RNF38: variants seen among roughly 807,000 people sequenced by gnomAD.
RNF38 encodes E3 ubiquitin-protein ligase RNF38.
A neutral mutation model predicts 67.2 loss-of-function variants in RNF38; 15 were observed. That is an observed-to-expected ratio of 0.22 (90% CI 0.15 to 0.34). The LOEUF is 0.34. Among genes scored for constraint, RNF38 ranks in the 10% least tolerant of loss-of-function variants. The pLI, the probability that RNF38 is intolerant of heterozygous loss-of-function variation, is 1.00. For missense variants in RNF38, 524 were observed against 639.9 expected (o/e 0.82, Z 1.95); for synonymous variants, 220 against 218.8 (o/e 1.01, Z -0.05).
upstream of RNF38, chr9:36,401,073 A>AC: frequency 1.0e-6 from 1 of 982,054 alleles, no homozygotes; most frequent in Non-Finnish European, 1.2e-6. Flanking sequence ...CGCCCGTCCC[A>AC]CCCCGTCCCC....
At chr9:36,362,404 A>G (rs1406180407) in intron 4 of RNF38, among the ~76,000 whole-genome samples, 1 of 151,646 alleles carries the variant, frequency 6.6e-6, no homozygotes, top group Non-Finnish European at 1.5e-5. Context: ...CAGAAACTTC[A>G]TTGTAAAATA....
chr9:36,459,326 C>G (rs1360668287), intron 1 of RNF38, among the ~76,000 whole-genome samples: 1 of 152,114 alleles, frequency 6.6e-6, no homozygotes, highest in East Asian at 1.9e-4. Flanking sequence ...AGCAAAAACA[C>G]TCCCTGAAAT....
At chr9:36,464,108 G>A (rs575928850) in intron 1 of RNF38, among the ~76,000 whole-genome samples, 1 of 151,992 alleles carries the variant, frequency 6.6e-6, no homozygotes, top group African/African-American at 2.4e-5. Context: ...AGATTGCAGT[G>A]AGCCTAGATC....
intron 4 of RNF38, among the ~76,000 whole-genome samples, chr9:36,368,207 G>T (rs1187297367): frequency 6.6e-6 from 1 of 152,054 alleles, no homozygotes; most frequent in Non-Finnish European, 1.5e-5. Flanking sequence ...TATAATTTCT[G>T]CCATGGCTAC....
At chr9:36,340,014 T>C (rs909036510) in intron 11 of RNF38, among the ~76,000 whole-genome samples, 200 bp from the exon 12 acceptor site, 1 of 152,126 alleles carries the variant, frequency 6.6e-6, no homozygotes, top group African/African-American at 2.4e-5. Context: ...AGTTTCGCTC[T>C]TGTTGCCCAG....
intron 1 of RNF38, among the ~76,000 whole-genome samples, chr9:36,439,647 A>C (rs969784433): frequency 6.6e-6 from 1 of 151,842 alleles, no homozygotes; most frequent in African/African-American, 2.4e-5. Context: ...TCTACTAAAA[A>C]CACAAAAATT....
At position 36,339,734 on chromosome 9, in the gene RNF38, T is replaced by C. The variant is rs1385321396; in HGVS notation, c.*18A>G. The C allele has an allele frequency of 6.2e-7, 1 of 1,604,702 alleles. No individual in the cohort carries two copies. The highest frequency in any genetic ancestry group is 1.3e-5 in the African/African-American group (1 of 74,814). ...GTGATGAGGAACACCCAAACTAAAT[T>C]TGTGCTTCTTAGGTTGGTCATTCTG... On this transcript the variant is annotated 3_prime_UTR_variant, in exon 12 of 12. Transcript: ENST00000259605.
chr9:36,487,638 A>C, upstream of RNF38: 5 of 937,828 alleles, frequency 5.3e-6, no homozygotes, highest in African/African-American at 1.9e-5. Flanking sequence ...GGCCGGCAGC[A>C]GCGGTGGCGG....
At position 36,375,957 on chromosome 9, in the gene RNF38, G is replaced by C; in HGVS notation, c.333C>G (p.Asn111Lys). 6.2e-7 allele frequency: 1 copy of C among 1,612,786 alleles called. No homozygotes were observed. Among genetic ancestry groups the C allele is most frequent in the Non-Finnish European group, 8.5e-7 (1 of 1,179,530 alleles). ...SQHHFSGERC[N>K]TPARNRRSPP... ...ACCTTCTTCTGTTGCGTGCAGGTGTGTTGCATCGTTCCCCTGAGAAGTGAT... is the reference window on the plus strand; with the variant it reads ...ACCTTCTTCTGTTGCGTGCAGGTGTCTTGCATCGTTCCCCTGAGAAGTGAT... Residue 111 changes from asparagine (N) to lysine (K), a missense_variant, in exon 3 of 12, where the codon AAC (asparagine) becomes AAG (lysine). Around this residue, in one of 2 missense-constraint regions of RNF38, gnomAD observed 461 missense variants for 517.4 expected, o/e 0.89. Coordinates refer to ENST00000259605, the MANE Select transcript of RNF38 (RefSeq NM_022781.5).
intron 1 of RNF38, among the ~76,000 whole-genome samples, chr9:36,393,522 T>TGTGGGG (rs57164047): frequency 1.6e-5 from 2 of 124,498 alleles, no homozygotes; most frequent in South Asian, 2.4e-4. Context: ...TGTGTGTGTG[T>TGTGGGG]GGGGCAGGCA....
At chr9:36,399,496 ATAT>A (rs1464848700) in intron 1 of RNF38, among the ~76,000 whole-genome samples, 1 of 147,504 alleles carries the variant, frequency 6.8e-6, no homozygotes, top group African/African-American at 2.5e-5. Flanking sequence ...TATATATAAT[ATAT>A]TATATAATAC....
intron 2 of RNF38, among the ~76,000 whole-genome samples, chr9:36,380,245 G>C (rs1836109081): frequency 6.6e-6 from 1 of 152,214 alleles, no homozygotes. Flanking sequence ...TTGTTGCCCA[G>C]GTAGAGTGCA....
At chr9:36,367,271 T>C (rs1375699825) in intron 4 of RNF38, among the ~76,000 whole-genome samples, 2 of 152,168 alleles carry the variant, frequency 1.3e-5, no homozygotes, top group Admixed American at 6.5e-5. Context: ...GCTTTCAGGA[T>C]ACTTATTTTA....
Position 36,338,871 on chromosome 9 carries a change from T to C in RNF38, c.*881A>G, listed in dbSNP as rs1832642537. ...ATGCTAATATTGCTAACTGATGATA[T>C]ATGATATTGCACCTTCTTTTTGGAA... On this transcript the variant is annotated 3_prime_UTR_variant, in exon 12 of 12. Transcript: ENST00000259605. 6.6e-6 allele frequency: 1 copy of C among 152,620 alleles called. No individual in the cohort carries two copies. The highest frequency in any genetic ancestry group is 6.5e-5 in the Admixed American group (1 of 15,282). 9.5% of individuals were successfully genotyped at this position (152,620 alleles called of 1,614,324 possible).
At chr9:36,427,565 T>C (rs765613586) in intron 1 of RNF38, among the ~76,000 whole-genome samples, 25 of 152,156 alleles carry the variant, frequency 1.6e-4, no homozygotes, top group Non-Finnish European at 2.9e-4. Flanking sequence ...CCTTTTGCCT[T>C]GTGAGGACAC....
chr9:36,353,427 C>T lies in RNF38; in HGVS notation c.910-96G>A, dbSNP rs535005403. 5.7e-5 allele frequency: 50 copies of T among 872,036 alleles called. No individual in the cohort carries two copies. In the African/African-American group the frequency reaches 7.5e-4, roughly 13 times the overall value. 54.0% of individuals were successfully genotyped at this position (872,036 alleles called of 1,614,324 possible). A position where few individuals can be genotyped will look rare whatever the true frequency, so the allele number is the denominator to read the frequency against. On this transcript the variant is annotated intron_variant, in intron 6 of 11. Transcript: ENST00000259605. ...TTTATAATAATCACAAATTTAAAAT[C>T]CCAAAATGTCTTTAAGGCCATGCAT...
In RNF38 at chr9:36,371,834, C is replaced by G. The variant is rs531648113; in HGVS notation, c.357-1902G>C. ...TAGAACTTATGACTCTGTGTTCATA[C>G]TTAAATTTACTTTTCCACATTTTTT... On this transcript the variant is annotated intron_variant, in intron 3 of 11. Transcript: ENST00000259605. 2.0e-5 allele frequency among the ~76,000 whole-genome samples: 3 copies of G among 152,180 alleles called. No homozygotes were observed. The South Asian group carries it at 6.2e-4, about 32-fold the overall frequency.
At chr9:36,437,873 G>A (rs1168547512) in intron 1 of RNF38, among the ~76,000 whole-genome samples, 1 of 152,212 alleles carries the variant, frequency 6.6e-6, no homozygotes, top group African/African-American at 2.4e-5. Context: ...TTAGGCAGGA[G>A]TCTGTGAAGC....
At chr9:36,430,837 A>G (rs1838914151) in intron 1 of RNF38, among the ~76,000 whole-genome samples, 1 of 151,914 alleles carries the variant, frequency 6.6e-6, no homozygotes, top group Non-Finnish European at 1.5e-5. Flanking sequence ...ATCTGGCCCT[A>G]ATGAGGATTA....
Sources: allele counts gnomAD v4.1 joint callset (sites outside exome capture counted in the v4.1 genomes callset), GRCh38; gene constraint gnomAD v4.1.1; regional missense constraint gnomAD v4.1.1; transcripts MANE v1.5; gene names NCBI Gene and HGNC (gene_info 2026-07-23, HGNC 2026-07-21).